The following HNRNPF variants were observed in gnomAD, a reference collection of about 807,000 sequenced individuals.
HNRNPF encodes HnRNP F protein.
A neutral mutation model predicts 26.0 loss-of-function variants in HNRNPF; 2 were observed. The observed-to-expected ratio is 0.08, with a 90% CI of 0.03 to 0.24. The LOEUF is 0.24. Among genes scored for constraint, HNRNPF ranks in the 10% least tolerant of loss-of-function variants. HNRNPF has a pLI of 1.00. For synonymous variants in HNRNPF, 234 were observed against 211.5 expected, an observed-to-expected ratio of 1.11 and a Z score of -0.92; for missense variants, 299 against 539.2, an observed-to-expected ratio of 0.55 and a Z score of 4.41.
In HNRNPF at chr10:43,386,629, T is replaced by TA; in HGVS notation, c.*7dup. On this transcript the variant is annotated 3_prime_UTR_variant, in exon 4 of 4. Transcript: ENST00000682386. ...ATGATTGAAGTAACTCAAATGTTCC[T>TA]AACAAAACTAGTCATAGCCACCCAT... 6.5e-7 allele frequency: 1 copy of TA among 1,532,932 alleles called. No homozygotes were observed. Among genetic ancestry groups the TA allele is most frequent in the East Asian group, 2.3e-5 (1 of 44,170 alleles). The allele number at this position is 1,532,932 out of a possible 1,614,324, so 95.0% of individuals were successfully genotyped here.
chr10:43,398,824 CTGTT>C (rs1018532724), intron 1 of HNRNPF, among the ~76,000 whole-genome samples: 2 of 152,022 alleles, frequency 1.3e-5, no homozygotes, highest in African/African-American at 4.8e-5. Context: ...GCTAATACAA[CTGTT>C]TGTAAAACTG....
rs1165507783 is a variant in HNRNPF, at chr10:43,387,828, G to A, written c.57C>T (p.Pro19=). ...GCACGTCCTCAACAGAGCAGGACCA[G>A]GGCAGGCCACGGAGCTTGACCACAA... ...EGFVVKLRGL[P]WSCSVEDVQN... The change falls in exon 4 of 4, where the codon CCC becomes CCT. Residue 19 remains proline (P), a synonymous_variant. Coordinates refer to ENST00000682386, the MANE Select transcript of HNRNPF (RefSeq NM_001098204.2). This position sits in a 1 kb window ranked among gnomAD's most constrained non-coding sequence, Gnocchi z 6.0. 1 of 1,613,914 alleles carries A rather than the reference G, an allele frequency of 6.2e-7. No homozygotes were observed. Among genetic ancestry groups the A allele is most frequent in the Admixed American group, 1.7e-5 (1 of 59,978 alleles).
intron 2 of HNRNPF, among the ~76,000 whole-genome samples, chr10:43,395,762 T>C (rs1838466883): frequency 6.6e-6 from 1 of 152,156 alleles, no homozygotes; most frequent in South Asian, 2.1e-4. Flanking sequence ...CCCTTGTTTA[T>C]CCCTGCGTGA....
At chr10:43,396,016 T>A (rs1173690347) in intron 2 of HNRNPF, among the ~76,000 whole-genome samples, 1 of 152,072 alleles carries the variant, frequency 6.6e-6, no homozygotes, top group Non-Finnish European at 1.5e-5. Context: ...CAGATCGAGC[T>A]TGCACGGGGG....
chr10:43,405,563 G>A (rs1838889051), intron 1 of HNRNPF, among the ~76,000 whole-genome samples: 1 of 152,100 alleles, frequency 6.6e-6, no homozygotes, highest in Admixed American at 6.6e-5. Context: ...GGCTGAGGCA[G>A]GAGAATGGCA....
intron 3 of HNRNPF, among the ~76,000 whole-genome samples, chr10:43,389,402 G>C (rs1588988014): frequency 6.6e-6 from 1 of 152,034 alleles, no homozygotes; most frequent in East Asian, 1.9e-4. Context: ...TTAAAAAACA[G>C]ACAAAAAGTA....
At chr10:43,395,724 G>C (rs944078488) in intron 2 of HNRNPF, among the ~76,000 whole-genome samples, 2 of 152,208 alleles carry the variant, frequency 1.3e-5, no homozygotes, top group African/African-American at 4.8e-5. Context: ...GTGGAACCCA[G>C]TCATCTTAAT....
Position 43,387,551 on chromosome 10 carries a change from A to G in HNRNPF, c.334T>C (p.Phe112Leu). The G allele has an allele frequency of 6.2e-7, 1 of 1,614,194 alleles. No homozygotes were observed. Among genetic ancestry groups the G allele is most frequent in the Non-Finnish European group, 8.5e-7 (1 of 1,180,028 alleles). ...AATGGGAGTCCTCGAAGCCGCACGA[A>G]GCCATCGTTGGCGCTGTCGGCACTG... ...PNSADSANDG[F>L]VRLRGLPFGC... The change falls in exon 4 of 4, where the codon TTC becomes CTC. Residue 112 changes from phenylalanine (F) to leucine (L), a missense_variant. This residue lies in a region of HNRNPF where 104 missense variants were observed against 239.0 expected (regional missense o/e 0.44). Coordinates refer to ENST00000682386, the MANE Select transcript of HNRNPF (RefSeq NM_001098204.2). This position sits in a 1 kb window ranked among gnomAD's most constrained non-coding sequence, Gnocchi z 6.0.
chr10:43,396,304 GAC>G (rs914023319), intron 2 of HNRNPF, among the ~76,000 whole-genome samples, 150 bp downstream of exon 2: 10 of 152,180 alleles, frequency 6.6e-5, no homozygotes, highest in African/African-American at 4.8e-5. Flanking sequence ...TCCCCTCCTA[GAC>G]ACACTCCCGT....
At chr10:43,403,936 G>C (rs1246506973) in intron 1 of HNRNPF, among the ~76,000 whole-genome samples, 1 of 151,878 alleles carries the variant, frequency 6.6e-6, no homozygotes, top group Non-Finnish European at 1.5e-5. Context: ...AGGCTGCAGT[G>C]AGCTCTGTCC....
intron 1 of HNRNPF, among the ~76,000 whole-genome samples, chr10:43,397,538 A>G (rs1180056588): frequency 6.6e-6 from 1 of 152,216 alleles, no homozygotes; most frequent in African/African-American, 2.4e-5. Flanking sequence ...AGAAGCCAGC[A>G]AGTTAGACAC....
chr10:43,400,335 G>A (rs1188149640), intron 1 of HNRNPF, among the ~76,000 whole-genome samples: 2 of 152,120 alleles, frequency 1.3e-5, no homozygotes, highest in African/African-American at 4.8e-5. Context: ...TTTGGTGCTG[G>A]ATGCTTTGTA....
At position 43,387,456 on chromosome 10, in the gene HNRNPF, C is replaced by T. The variant is rs758312226; in HGVS notation, c.429G>A (p.Leu143=). 1.2e-6 allele frequency: 2 copies of T among 1,614,110 alleles called. No homozygotes were observed. The highest frequency in any genetic ancestry group is 1.7e-5 in the Admixed American group (1 of 60,002). ...TAATCTTGCCTTCGGGGTCCACAGG[C>T]AATGTGATCCCGTTTGGCACAATTT... is the stretch of plus-strand genomic sequence containing the variant. ...GLEIVPNGIT[L]PVDPEGKITG... is the part of the protein sequence containing the mutation. Residue 143 remains leucine (L), a synonymous_variant, in exon 4 of 4, where the codon TTG becomes TTA. Transcript: ENST00000682386. This position sits in a 1 kb window ranked among gnomAD's most constrained non-coding sequence, Gnocchi z 6.0.
intron 1 of HNRNPF, among the ~76,000 whole-genome samples, chr10:43,397,936 T>C (rs548903757): frequency 6.6e-6 from 1 of 152,380 alleles, no homozygotes; most frequent in South Asian, 2.1e-4. Context: ...AGATGTGCTA[T>C]GAACTAGTAA....
chr10:43,407,849 C>T (rs547438974), intron 1 of HNRNPF: 1 of 152,300 alleles, frequency 6.6e-6, no homozygotes, highest in African/African-American at 2.4e-5. Context: ...GCCAACTCCC[C>T]ACAAGGAAGT....
At chr10:43,392,816 G>T (rs977780859) in intron 3 of HNRNPF, among the ~76,000 whole-genome samples, 2 of 152,156 alleles carry the variant, frequency 1.3e-5, no homozygotes, top group African/African-American at 4.8e-5. Context: ...TCCAGGGTCA[G>T]GAGATACACA....
intron 1 of HNRNPF, among the ~76,000 whole-genome samples, chr10:43,400,965 C>T (rs1412682560): frequency 6.6e-6 from 1 of 152,128 alleles, no homozygotes; most frequent in African/African-American, 2.4e-5. Context: ...ACCTGTAGTC[C>T]CAGCTACTCA....
At chr10:43,404,286 G>A (rs1838842215) in intron 1 of HNRNPF, among the ~76,000 whole-genome samples, 2 of 137,818 alleles carry the variant, frequency 1.5e-5, no homozygotes, top group African/African-American at 5.3e-5. Context: ...GGGTGACAGA[G>A]TGAGAATCCG....
In HNRNPF at chr10:43,409,178, G is replaced by C. The variant is rs1003121653; in HGVS notation, c.-294C>G. 6.5e-6 allele frequency: 1 copy of C among 152,672 alleles called. No homozygotes were observed. Among genetic ancestry groups the C allele is most frequent in the Non-Finnish European group, 1.5e-5 (1 of 68,342 alleles). 9.5% of individuals were successfully genotyped at this position (152,672 alleles called of 1,614,324 possible). A position where few individuals can be genotyped will look rare whatever the true frequency, so the allele number is the denominator to read the frequency against. ...CCTGCTTCCACGACGGAGCCGGAAGGACGCAAGGACCGCGGCAGGGCGGAG... is the reference window on the plus strand; with the variant it reads ...CCTGCTTCCACGACGGAGCCGGAAGCACGCAAGGACCGCGGCAGGGCGGAG... On this transcript the variant is annotated 5_prime_UTR_variant, in exon 1 of 4. Transcript: ENST00000682386.
Sources: allele counts gnomAD v4.1 joint callset (sites outside exome capture counted in the v4.1 genomes callset), GRCh38; gene constraint gnomAD v4.1.1; regional missense constraint gnomAD v4.1.1; non-coding constraint Gnocchi (gnomAD v3.1); transcripts MANE v1.5; gene names NCBI Gene and HGNC (gene_info 2026-07-23, HGNC 2026-07-21).